RBBP5: variants seen among roughly 807,000 people sequenced by gnomAD.
The protein encoded by RBBP5 is RB binding protein 5, histone lysine methyltransferase complex subunit, also known as retinoblastoma-binding protein 5.
RBBP5 carries 5 observed loss-of-function variants against 72.2 expected under a neutral mutation model. The observed-to-expected ratio is 0.07, with a 90% CI of 0.04 to 0.15. The LOEUF (loss-of-function observed/expected upper bound fraction) is 0.15, where lower values mean the gene tolerates loss of function less well. RBBP5 is among the 10% of genes least tolerant of loss of function. RBBP5 has a pLI of 1.00. For missense variants in RBBP5, 322 were observed against 652.2 expected, an observed-to-expected ratio of 0.49 and a Z score of 5.51; for synonymous variants, 209 against 237.2, an observed-to-expected ratio of 0.88 and a Z score of 1.09.
At chr1:205,107,639 T>C (rs1218881138) in intron 3 of RBBP5, among the ~76,000 whole-genome samples, 1 of 152,116 alleles carries the variant, frequency 6.6e-6, no homozygotes, top group Non-Finnish European at 1.5e-5. Flanking sequence ...TATAAATATA[T>C]GGGTAGATAA....
At chr1:205,090,622 A>G (rs998943694) in intron 13 of RBBP5, among the ~76,000 whole-genome samples, 4 of 152,202 alleles carry the variant, frequency 2.6e-5, no homozygotes, top group African/African-American at 9.6e-5. Flanking sequence ...AAGGAAACAT[A>G]TTATTTAGCT....
chr1:205,104,628 G>A (rs1655979563), intron 4 of RBBP5, among the ~76,000 whole-genome samples: 1 of 152,098 alleles, frequency 6.6e-6, no homozygotes, highest in Non-Finnish European at 1.5e-5. Context: ...AGATCACGAG[G>A]TCAGGAGTTC....
intron 3 of RBBP5, among the ~76,000 whole-genome samples, chr1:205,114,081 T>C (rs1028426657): frequency 4.6e-5 from 7 of 152,252 alleles, no homozygotes; most frequent in African/African-American, 9.6e-5. Flanking sequence ...TCCTGGATTA[T>C]TGGATATGAA....
At position 205,101,632 on chromosome 1, in the gene RBBP5, G is replaced by A. The variant is rs756138123; in HGVS notation, c.600C>T (p.Ala200=). 1 of 1,612,868 alleles carries A rather than the reference G, an allele frequency of 6.2e-7. No individual in the cohort carries two copies. Among genetic ancestry groups the A allele is most frequent in the South Asian group, 1.1e-5 (1 of 90,796 alleles). The change falls in exon 6 of 14, where the codon GCC becomes GCT. Residue 200 remains alanine (A), a synonymous_variant. Transcript: ENST00000264515. ...TCCGGGCAAACTCAATTGACTTAAT[G>A]GCTGTGGTATTGCTTGTTCCAGTTG... ...RVTTGTSNTT[A]IKSIEFARKG...
At chr1:205,105,712 A>C (rs1656029670) in intron 3 of RBBP5, among the ~76,000 whole-genome samples, 1 of 152,250 alleles carries the variant, frequency 6.6e-6, no homozygotes, top group Non-Finnish European at 1.5e-5. Flanking sequence ...TAAGGATGAC[A>C]CAGTAGTGAA....
In RBBP5 at chr1:205,101,495, T is replaced by A. The variant is rs79129880; in HGVS notation, c.632+105A>T. 3,798 of 747,372 alleles carry A rather than the reference T, an allele frequency of 5.1e-3. 117 individuals carry two copies. The African/African-American group carries it at 0.061, about 12-fold the overall frequency. The allele number at this position is 747,372 out of a possible 1,614,324, so 46.3% of individuals were successfully genotyped here. A position where few individuals can be genotyped will look rare whatever the true frequency, so the allele number is the denominator to read the frequency against. On this transcript the variant is annotated intron_variant, in intron 6 of 13. Coordinates refer to ENST00000264515, the MANE Select transcript of RBBP5 (RefSeq NM_005057.4). The stretch of plus-strand genomic sequence containing the variant: ...TTTCTAAAAACCTTAAGTACATTTT[T>A]AAAAAATGCTTAAGTATAATATACA...
intron 1 of RBBP5, chr1:205,116,319 T>C: frequency 2.6e-6 from 1 of 380,660 alleles, no homozygotes; most frequent in Admixed American, 3.0e-5. Context: ...AAATATTATC[T>C]CAGTTTTAAC....
Position 205,110,605 on chromosome 1 carries a change from AC to A in RBBP5, c.218+4183del, listed in dbSNP as rs1039429041. 1.3e-5 allele frequency among the ~76,000 whole-genome samples: 2 copies of A among 152,182 alleles called. 1 individual carries two copies. The highest frequency in any genetic ancestry group is 2.9e-5 in the Non-Finnish European group (2 of 68,026). ...AAAATATATTTATTTTTGTTTAAAA[AC>A]ATATTATGTGGATATATGTATTAAT... On this transcript the variant is annotated intron_variant, in intron 3 of 13. Transcript: ENST00000264515.
rs1656007694 is a variant in RBBP5 at position 205,105,230 on chromosome 1, TA to T, written c.219-63del. On this transcript the variant is annotated intron_variant, in intron 3 of 13. Coordinates refer to ENST00000264515, the MANE Select transcript of RBBP5 (RefSeq NM_005057.4). ...AAGTATATCATACCACTCTCATGAA[TA>T]AACTGTGTAAGTCACACACATTGCT... 1.9e-6 allele frequency: 3 copies of T among 1,550,128 alleles called. No homozygotes were observed. The Admixed American group carries it at 5.1e-5, about 26-fold the overall frequency.
At chr1:205,113,446 A>T (rs1656396750) in intron 3 of RBBP5, among the ~76,000 whole-genome samples, 1 of 151,822 alleles carries the variant, frequency 6.6e-6, no homozygotes, top group Admixed American at 6.6e-5. Context: ...CACCCAGCTA[A>T]TTTTTTTACT....
At chr1:205,118,258 A>T (rs1175227415) in intron 1 of RBBP5, among the ~76,000 whole-genome samples, 3 of 152,184 alleles carry the variant, frequency 2.0e-5, no homozygotes, top group African/African-American at 7.2e-5. Flanking sequence ...AAACAGTAAG[A>T]CGCAATCCAC....
chr1:205,087,018 T>C lies in RBBP5; in HGVS notation c.*1769A>G, dbSNP rs545082783. ...AAAAAAGTAGTGGCATCTAAAAATATAGACGTTTTGCAACTGACTCAGGGA... is the reference window on the plus strand; with the variant it reads ...AAAAAAGTAGTGGCATCTAAAAATACAGACGTTTTGCAACTGACTCAGGGA... On this transcript the variant is annotated 3_prime_UTR_variant, in exon 14 of 14. Transcript: ENST00000264515. The C allele has an allele frequency of 7.9e-5, 12 of 152,332 alleles. No individual in the cohort carries two copies. Among genetic ancestry groups the C allele is most frequent in the African/African-American group, 2.2e-4 (9 of 41,572 alleles). 9.4% of individuals were successfully genotyped at this position (152,332 alleles called of 1,614,324 possible).
At chr1:205,116,282 T>C (rs1314822778) in intron 1 of RBBP5, 3 of 378,594 alleles carry the variant, frequency 7.9e-6, no homozygotes, top group Non-Finnish European at 1.6e-5. Context: ...GGATTTATTA[T>C]GGTTATTTCT....
At chr1:205,101,881 G>A (rs561200948) in intron 5 of RBBP5, among the ~76,000 whole-genome samples, 172 bp from the exon 6 acceptor site, 1 of 149,674 alleles carries the variant, frequency 6.7e-6, no homozygotes, top group African/African-American at 2.5e-5. Flanking sequence ...GTAAGACAAG[G>A]TCTTAATCTA....
At chr1:205,090,687 T>C (rs1381173206) in intron 13 of RBBP5, among the ~76,000 whole-genome samples, 1 of 152,188 alleles carries the variant, frequency 6.6e-6, no homozygotes, top group East Asian at 1.9e-4. Context: ...CAGCTCAAAA[T>C]GACCAGCTAT....
chr1:205,099,895 G>C lies in RBBP5; in HGVS notation c.906+16C>G. The C allele has an allele frequency of 6.2e-7, 1 of 1,613,894 alleles. No individual in the cohort carries two copies. The highest frequency in any genetic ancestry group is 8.5e-7 in the Non-Finnish European group (1 of 1,179,834). On this transcript the variant is annotated intron_variant, in intron 8 of 13. Transcript: ENST00000264515. This position sits in a 1 kb window ranked among gnomAD's most constrained non-coding sequence, Gnocchi z 4.7. ...GGATTATGTGACTAACAAAAGCAAT[G>C]TCCTAATGTACTCACAGCTACATCC...
At chr1:205,116,614 G>A (rs1454150718) in intron 1 of RBBP5, among the ~76,000 whole-genome samples, 1 of 152,226 alleles carries the variant, frequency 6.6e-6, no homozygotes, top group Admixed American at 6.5e-5. Flanking sequence ...GGGAGTTCAA[G>A]ACCGGCCTAG....
intron 3 of RBBP5, among the ~76,000 whole-genome samples, chr1:205,113,951 C>T (rs940039331): frequency 6.6e-6 from 1 of 152,180 alleles, no homozygotes; most frequent in African/African-American, 2.4e-5. Context: ...TCCCAAAGTG[C>T]TGGGATTACA....
At chr1:205,110,532 A>G (rs1656271816) in intron 3 of RBBP5, among the ~76,000 whole-genome samples, 1 of 152,254 alleles carries the variant, frequency 6.6e-6, no homozygotes, top group Non-Finnish European at 1.5e-5. Context: ...ATAAGGAGAC[A>G]CAGAGAAATA....
Sources: gnomAD v4.1 joint callset for allele counts (sites outside exome capture counted in the v4.1 genomes callset) on GRCh38, gnomAD v4.1.1 for gene constraint, Gnocchi (gnomAD v3.1) non-coding constraint, MANE v1.5 for transcripts, NCBI Gene and HGNC (gene_info 2026-07-23, HGNC 2026-07-21) for gene names.